The following TXNDC2 variants were observed in gnomAD, a reference collection of about 807,000 sequenced individuals.
The protein encoded by TXNDC2 is thioredoxin domain-containing protein 2.
TXNDC2 carries 1 observed loss-of-function variant against 0.4 expected under a neutral mutation model. The observed-to-expected ratio is 2.30, with a 90% CI of 0.82 to 10.89. TXNDC2 has a LOEUF of 10.89. Ranked by LOEUF, TXNDC2 falls within the 30% of genes most tolerant of loss-of-function variation. TXNDC2 has a pLI of 0.12. For missense variants in TXNDC2, 509 were observed against 579.8 expected (o/e 0.88, Z 1.25); for synonymous variants, 183 against 224.6 (o/e 0.81, Z 1.66).
rs374247220 is a variant in TXNDC2 at position 9,886,772 on chromosome 18, A to T, written c.92A>T (p.His31Leu). Residue 31 changes from histidine (H) to leucine (L), a missense_variant, in exon 2 of 2, where the codon CAT becomes CTT. This residue lies in a region of TXNDC2 where 187 missense variants were observed against 218.0 expected (regional missense o/e 0.86). Transcript: ENST00000357775. ...DLPKSSANTS[H>L]PKQDDSPKSS... ...CCCAAGTCCTCAGCAAACACCAGCC[A>T]TCCCAAGCAGGATGACAGCCCCAAG... is the stretch of plus-strand genomic sequence containing the variant. 1 of 1,614,016 alleles carries T rather than the reference A, an allele frequency of 6.2e-7. No homozygotes were observed. The highest frequency in any genetic ancestry group is 1.3e-5 in the African/African-American group (1 of 74,886).
intron 1 of TXNDC2, 27 bp from the exon 2 acceptor site, chr18:9,886,562 T>C (rs1328408080): frequency 5.5e-6 from 8 of 1,448,866 alleles, no homozygotes; most frequent in Non-Finnish European, 7.4e-6. Flanking sequence ...TATTTTATTT[T>C]ATTTTATTTT....
Position 9,887,421 on chromosome 18 carries a change from C to A in TXNDC2, c.741C>A (p.Ile247=). The change falls in exon 2 of 2, where the codon ATC becomes ATA. Residue 247 remains isoleucine, a synonymous_variant. Coordinates refer to ENST00000357775, the MANE Select transcript of TXNDC2 (RefSeq NM_032243.6). The stretch of plus-strand genomic sequence containing the variant: ...CCATCCAGCCCAAGGAGGGTGACAT[C>A]CCCAAGTCCCCAGAAGAAGCCATCC... ...EEAIQPKEGD[I]PKSPEEAIQP... is the part of the protein sequence containing the mutation. 9.6e-5 allele frequency: 100 copies of A among 1,037,052 alleles called. No homozygotes were observed. Among genetic ancestry groups the A allele is most frequent in the Non-Finnish European group, 1.2e-4 (92 of 751,482 alleles). The allele number at this position is 1,037,052 out of a possible 1,614,324, so 64.2% of individuals were successfully genotyped here. A position where few individuals can be genotyped will look rare whatever the true frequency, so the allele number is the denominator to read the frequency against.
At position 9,887,260 on chromosome 18, in the gene TXNDC2, C is replaced by T; in HGVS notation, c.580C>T (p.Pro194Ser). The change falls in exon 2 of 2, where the codon CCC (proline) becomes TCC (serine). Residue 194 changes from proline to serine, a missense_variant. This residue lies in a region of TXNDC2 where 13 missense variants were observed against 31.6 expected (regional missense o/e 0.41). Transcript: ENST00000357775. ...EGDIPKSSAK[P>S]IQPKLGNIPK... ...TGACATCCCCAAGTCCTCAGCAAAG[C>T]CCATCCAGCCCAAGCTGGGCAATAT... is the stretch of plus-strand genomic sequence containing the variant. The T allele has an allele frequency of 6.4e-7, 1 of 1,551,590 alleles. No individual in the cohort carries two copies. Among genetic ancestry groups the T allele is most frequent in the South Asian group, 1.1e-5 (1 of 88,218 alleles).
At chr18:9,886,507 A>G in intron 1 of TXNDC2, 82 bp from the exon 2 acceptor site, 4 of 1,218,246 alleles carry the variant, frequency 3.3e-6, no homozygotes, top group Non-Finnish European at 4.5e-6. Context: ...TCCTTGGAAT[A>G]TGAAGAGAAT....
In TXNDC2 at chr18:9,887,274, G is replaced by A. The variant is rs146289731; in HGVS notation, c.594G>A (p.Lys198=). 3.2e-4 allele frequency: 514 copies of A among 1,599,076 alleles called. 2 individuals are homozygous for A. The African/African-American group carries it at 6.3e-3, about 20-fold the overall frequency. Residue 198 remains lysine, a synonymous_variant, in exon 2 of 2, where the codon AAG becomes AAA. Transcript: ENST00000357775. ...CCTCAGCAAAGCCCATCCAGCCCAA[G>A]CTGGGCAATATTCCCAAGGCCTCAG... ...PKSSAKPIQP[K]LGNIPKASVK...
Position 9,888,163 on chromosome 18 carries a change from C to T in TXNDC2, c.*22C>T. ...GTAAACATGTATTCTGAAAACATTG[C>T]AGACAGTCAGGTGTTTATAGCTTTT... On this transcript the variant is annotated 3_prime_UTR_variant, in exon 2 of 2. Transcript: ENST00000357775. 6.4e-7 allele frequency: 1 copy of T among 1,554,950 alleles called. No individual in the cohort carries two copies. The highest frequency in any genetic ancestry group is 8.8e-7 in the Non-Finnish European group (1 of 1,142,538).
Position 9,886,795 on chromosome 18 carries a change from A to G in TXNDC2, c.115A>G (p.Lys39Glu). 6.2e-7 allele frequency: 1 copy of G among 1,614,066 alleles called. No individual in the cohort carries two copies. Among genetic ancestry groups the G allele is most frequent in the Non-Finnish European group, 8.5e-7 (1 of 1,179,978 alleles). Residue 39 changes from lysine to glutamate, a missense_variant, in exon 2 of 2, where the codon AAG becomes GAG. This residue lies in a region of TXNDC2 where 187 missense variants were observed against 218.0 expected (regional missense o/e 0.86). Transcript: ENST00000357775. ...TSHPKQDDSPKSSEETIQPKE... is the reference protein window; with the variant it reads ...TSHPKQDDSPESSEETIQPKE... ...CCATCCCAAGCAGGATGACAGCCCC[A>G]AGTCCTCAGAAGAAACCATCCAGCC...
At chr18:9,886,502 G>T in intron 1 of TXNDC2, 87 bp from the exon 2 acceptor site, 1 of 1,179,130 alleles carries the variant, frequency 8.5e-7, no homozygotes, top group Non-Finnish European at 1.2e-6. Context: ...AGTCTTCCTT[G>T]GAATATGAAG....
chr18:9,887,992 G>A lies in TXNDC2; in HGVS notation c.1312G>A (p.Val438Met). Residue 438 changes from valine (V) to methionine (M), a missense_variant, in exon 2 of 2, where the codon GTG becomes ATG. Val to Met is a conservative substitution (Grantham distance 21). Transcript: ENST00000357775. ...VKHEDVVFLE[V>M]DADNCEEVVR... ...GCATGAGGATGTGGTGTTCCTGGAGGTGGACGCTGACAACTGTGAGGAGGT... is the reference window on the plus strand; with the variant it reads ...GCATGAGGATGTGGTGTTCCTGGAGATGGACGCTGACAACTGTGAGGAGGT... The A allele has an allele frequency of 1.2e-6, 2 of 1,614,236 alleles. No individual in the cohort carries two copies. Among genetic ancestry groups the A allele is most frequent in the Non-Finnish European group, 1.7e-6 (2 of 1,180,038 alleles).
At position 9,888,870 on chromosome 18, in the gene TXNDC2, G is replaced by A. The variant is rs1488907368; in HGVS notation, c.*729G>A. The A allele has an allele frequency of 2.0e-5, 3 of 152,072 alleles. No individual in the cohort carries two copies. The highest frequency in any genetic ancestry group is 7.2e-5 in the African/African-American group (3 of 41,396). 9.4% of individuals were successfully genotyped at this position (152,072 alleles called of 1,614,324 possible). ...GCAGAGTTCCTGGTTCGTCTCCCTGGTAATTGAGTTCATAATACCTAGACC... is the reference window on the plus strand; with the variant it reads ...GCAGAGTTCCTGGTTCGTCTCCCTGATAATTGAGTTCATAATACCTAGACC... On this transcript the variant is annotated 3_prime_UTR_variant, in exon 2 of 2. Coordinates refer to ENST00000357775, the MANE Select transcript of TXNDC2 (RefSeq NM_032243.6).
Position 9,887,748 on chromosome 18 carries a change from A to G in TXNDC2, c.1068A>G (p.Leu356=), listed in dbSNP as rs780209742. The change falls in exon 2 of 2, where the codon CTA becomes CTG. Residue 356 remains leucine (L), a synonymous_variant. Coordinates refer to ENST00000357775, the MANE Select transcript of TXNDC2 (RefSeq NM_032243.6). Reference sequence around the variant, plus strand: ...AGGAGGATGACAGCCCCAAGTCCCTAGAAGAAGCCACCCCATCCAAGGAGG... The same window carrying G: ...AGGAGGATGACAGCCCCAAGTCCCTGGAAGAAGCCACCCCATCCAAGGAGG... The part of the protein sequence containing the change: ...QPKEDDSPKS[L]EEATPSKEGD... The G allele has an allele frequency of 6.8e-6, 11 of 1,614,116 alleles. No homozygotes were observed. Among genetic ancestry groups the G allele is most frequent in the Non-Finnish European group, 9.3e-6 (11 of 1,179,980 alleles).
At position 9,886,948 on chromosome 18, in the gene TXNDC2, A is replaced by G. The variant is rs151086750; in HGVS notation, c.268A>G (p.Ile90Val). Residue 90 changes from isoleucine (I) to valine (V), a missense_variant, in exon 2 of 2, where the codon ATC (isoleucine) becomes GTC (valine). Around this residue, in one of 5 missense-constraint regions of TXNDC2, gnomAD observed 187 missense variants for 218.0 expected, o/e 0.86. Coordinates refer to ENST00000357775, the MANE Select transcript of TXNDC2 (RefSeq NM_032243.6). ...SNIPKSSAKP[I>V]QPKLGNIPKA... ...CATCCCCAAGTCCTCAGCAAAACCC[A>G]TCCAGCCCAAGCTGGGCAATATTCC... is the stretch of plus-strand genomic sequence containing the variant. 29 of 1,612,890 alleles carry G rather than the reference A, an allele frequency of 1.8e-5. No homozygotes were observed. The African/African-American group carries it at 3.3e-4, about 19-fold the overall frequency.
In TXNDC2 at chr18:9,886,094, A is replaced by G; in HGVS notation, c.-93+14A>G. 1 of 1,122,088 alleles carries G rather than the reference A, an allele frequency of 8.9e-7. No homozygotes were observed. Among genetic ancestry groups the G allele is most frequent in the Non-Finnish European group, 1.3e-6 (1 of 759,756 alleles). 69.5% of individuals were successfully genotyped at this position (1,122,088 alleles called of 1,614,324 possible). A position where few individuals can be genotyped will look rare whatever the true frequency, so the allele number is the denominator to read the frequency against. On this transcript the variant is annotated intron_variant, in intron 1 of 1. Coordinates refer to ENST00000357775, the MANE Select transcript of TXNDC2 (RefSeq NM_032243.6). ...TGCCACCCAAATGTAAGTTTTACTCATATTTTGATGTTAGGATGGATAGCT... is the reference window on the plus strand; with the variant it reads ...TGCCACCCAAATGTAAGTTTTACTCGTATTTTGATGTTAGGATGGATAGCT...
Position 9,887,728 on chromosome 18 carries a change from G to A in TXNDC2, c.1048G>A (p.Asp350Asn), listed in dbSNP as rs1424227145. The A allele has an allele frequency of 1.2e-6, 2 of 1,614,128 alleles. No homozygotes were observed. The highest frequency in any genetic ancestry group is 1.7e-6 in the Non-Finnish European group (2 of 1,180,000). The change falls in exon 2 of 2, where the codon GAT becomes AAT. Residue 350 changes from aspartate (D) to asparagine (N), a missense_variant. Asp to Asn is a conservative substitution (Grantham distance 23). Transcript: ENST00000357775. ...SPEETIQPKE[D>N]DSPKSLEEAT... ...AGAAGAAACCATCCAGCCCAAGGAGGATGACAGCCCCAAGTCCCTAGAAGA... is the reference window on the plus strand; with the variant it reads ...AGAAGAAACCATCCAGCCCAAGGAGAATGACAGCCCCAAGTCCCTAGAAGA...
rs1176382308 is a variant in TXNDC2, at chr18:9,888,191, G to A, written c.*50G>A. ...ACAGTCAGGTGTTTATAGCTTTTGA[G>A]TTCTCTTTTATTATTTACACAAAGT... On this transcript the variant is annotated 3_prime_UTR_variant, in exon 2 of 2. Transcript: ENST00000357775. The A allele has an allele frequency of 3.5e-6, 5 of 1,428,812 alleles. No individual in the cohort carries two copies. The highest frequency in any genetic ancestry group is 4.7e-6 in the Non-Finnish European group (5 of 1,058,622). The allele number at this position is 1,428,812 out of a possible 1,614,324, so 88.5% of individuals were successfully genotyped here.
intron 1 of TXNDC2, 148 bp downstream of exon 1, chr18:9,886,228 A>G: frequency 6.2e-7 from 1 of 1,614,114 alleles, no homozygotes; most frequent in Non-Finnish European, 8.5e-7. Context: ...GAGCCTCTGG[A>G]AAACCAGAAA....
Position 9,887,974 on chromosome 18 carries a change from G to T in TXNDC2, c.1294G>T (p.Asp432Tyr). 6.2e-7 allele frequency: 1 copy of T among 1,614,230 alleles called. No homozygotes were observed. The highest frequency in any genetic ancestry group is 8.5e-7 in the Non-Finnish European group (1 of 1,180,034). Reference sequence around the variant, plus strand: ...CCATGCCCTGTCTGTGAAGCATGAGGATGTGGTGTTCCTGGAGGTGGACGC... The same window carrying T: ...CCATGCCCTGTCTGTGAAGCATGAGTATGTGGTGTTCCTGGAGGTGGACGC... ...FFHALSVKHEDVVFLEVDADN... is the reference protein window; with the variant it reads ...FFHALSVKHEYVVFLEVDADN... Residue 432 changes from aspartate (D) to tyrosine (Y), a missense_variant, in exon 2 of 2, where the codon GAT becomes TAT. This residue lies in a region of TXNDC2 where 229 missense variants were observed against 243.8 expected (regional missense o/e 0.94). Coordinates refer to ENST00000357775, the MANE Select transcript of TXNDC2 (RefSeq NM_032243.6).
In TXNDC2 at chr18:9,887,114, C is replaced by G; in HGVS notation, c.434C>G (p.Ser145Cys). Reference protein sequence around the residue: ...IQPKEGDIPKSSAKPIQPKLG... With the variant: ...IQPKEGDIPKCSAKPIQPKLG... ...CCCAAAGAGGGTGACATCCCCAAGT[C>G]CTCAGCAAAACCCATCCAGCCCAAG... Residue 145 changes from serine (S) to cysteine (C), a missense_variant, in exon 2 of 2, where the codon TCC (serine) becomes TGC (cysteine). Coordinates refer to ENST00000357775, the MANE Select transcript of TXNDC2 (RefSeq NM_032243.6). 1 of 1,611,848 alleles carries G rather than the reference C, an allele frequency of 6.2e-7. No homozygotes were observed. The highest frequency in any genetic ancestry group is 1.1e-5 in the South Asian group (1 of 90,698).
At position 9,886,795 on chromosome 18, in the gene TXNDC2, A is replaced by C; in HGVS notation, c.115A>C (p.Lys39Gln). The change falls in exon 2 of 2, where the codon AAG (lysine) becomes CAG (glutamine). Residue 39 changes from lysine to glutamine, a missense_variant. Around this residue, in one of 5 missense-constraint regions of TXNDC2, gnomAD observed 187 missense variants for 218.0 expected, o/e 0.86. Transcript: ENST00000357775. ...CCATCCCAAGCAGGATGACAGCCCC[A>C]AGTCCTCAGAAGAAACCATCCAGCC... ...TSHPKQDDSPKSSEETIQPKE... is the reference protein window; with the variant it reads ...TSHPKQDDSPQSSEETIQPKE... 6.2e-7 allele frequency: 1 copy of C among 1,614,066 alleles called. No individual in the cohort carries two copies. The highest frequency in any genetic ancestry group is 8.5e-7 in the Non-Finnish European group (1 of 1,179,978).
Sources: gnomAD v4.1 joint callset for allele counts on GRCh38, gnomAD v4.1.1 for gene constraint, gnomAD v4.1.1 regional missense constraint, MANE v1.5 for transcripts, NCBI Gene and HGNC (gene_info 2026-07-23, HGNC 2026-07-21) for gene names.